PTPRD: variants seen among roughly 807,000 people sequenced by gnomAD.
The protein encoded by PTPRD is protein tyrosine phosphatase receptor type D.
Under a neutral mutation model 214.5 loss-of-function variants are expected in PTPRD, and 34 were observed. The observed-to-expected ratio is 0.16, with a 90% CI of 0.12 to 0.21. PTPRD has a LOEUF of 0.21. PTPRD is among the 10% of genes least tolerant of loss of function. The pLI is 1.00. For missense variants in PTPRD, 2,545 were observed against 2,398.7 expected (o/e 1.06, Z -1.27); for synonymous variants, 1,128 against 845.7 (o/e 1.33, Z -5.79).
At chr9:8,647,663 T>G (rs1207083213) in intron 12 of PTPRD, among the ~76,000 whole-genome samples, 2 of 152,186 alleles carry the variant, frequency 1.3e-5, no homozygotes, top group African/African-American at 4.8e-5. Flanking sequence ...ATTACTGAAT[T>G]CAAAAAAGTA....
At chr9:9,958,018 T>C (rs371542510) in intron 4 of PTPRD, among the ~76,000 whole-genome samples, 3 of 142,152 alleles carry the variant, frequency 2.1e-5, no homozygotes, top group Non-Finnish European at 3.1e-5. Context: ...GGAAGTTCAT[T>C]TGTGTATGTG....
chr9:9,336,238 T>C (rs2044426695), intron 9 of PTPRD, among the ~76,000 whole-genome samples: 1 of 151,760 alleles, frequency 6.6e-6, no homozygotes, highest in Non-Finnish European at 1.5e-5. Context: ...TTACACATGT[T>C]TAGCTCTGAT....
intron 11 of PTPRD, among the ~76,000 whole-genome samples, chr9:8,783,617 A>C (rs979952606): frequency 1.3e-5 from 2 of 152,192 alleles, no homozygotes; most frequent in African/African-American, 4.8e-5. Flanking sequence ...TGGTCATTAG[A>C]ACACACTACC....
intron 11 of PTPRD, among the ~76,000 whole-genome samples, chr9:8,937,085 G>GTT (rs5896282): frequency 8.6e-5 from 13 of 151,946 alleles, no homozygotes; most frequent in East Asian, 1.9e-4. Flanking sequence ...AGAAATGGTA[G>GTT]TTTTTTTACC....
At chr9:10,471,818 T>C (rs2099032942) in intron 2 of PTPRD, among the ~76,000 whole-genome samples, 1 of 152,082 alleles carries the variant, frequency 6.6e-6, no homozygotes, top group Admixed American at 6.6e-5. Flanking sequence ...CAATTTTAGC[T>C]TTAAAATGAA....
At chr9:9,794,282 G>GC (rs202083193) in intron 5 of PTPRD, among the ~76,000 whole-genome samples, 6 of 151,552 alleles carry the variant, frequency 4.0e-5, no homozygotes, top group East Asian at 3.9e-4. Context: ...CATTAATTAT[G>GC]CCCATGTTGA....
intron 5 of PTPRD, among the ~76,000 whole-genome samples, chr9:9,770,939 A>G (rs954558844): frequency 1.3e-5 from 2 of 152,162 alleles, no homozygotes; most frequent in South Asian, 4.1e-4. Context: ...GAAATGGTCA[A>G]ATATGCACAG....
intron 2 of PTPRD, among the ~76,000 whole-genome samples, chr9:10,387,022 A>G (rs908936182): frequency 2.0e-5 from 3 of 151,782 alleles, no homozygotes; most frequent in Non-Finnish European, 2.9e-5. Flanking sequence ...GAAGGGGGCC[A>G]TGAGTCAAGG....
chr9:8,327,516 T>G (rs1340654727), intron 44 of PTPRD, among the ~76,000 whole-genome samples: 1 of 152,176 alleles, frequency 6.6e-6, no homozygotes, highest in African/African-American at 2.4e-5. Context: ...TTCTGTTGAT[T>G]TGGGTGGAGA....
intron 34 of PTPRD, among the ~76,000 whole-genome samples, chr9:8,445,003 T>C (rs1052155314): frequency 2.6e-5 from 4 of 152,182 alleles, no homozygotes; most frequent in African/African-American, 9.6e-5. Context: ...CCTTCTTCCA[T>C]AGATCTTAAA....
rs753739617 is a variant in PTPRD at position 10,231,983 on chromosome 9, AGAGAGAGTGTGT to A, written c.-545+108968_-545+108979del. Among the ~76,000 whole-genome samples, 474 of 97,136 alleles carry A rather than the reference AGAGAGAGTGTGT, an allele frequency of 4.9e-3. 3 individuals are homozygous for A. The highest frequency in any genetic ancestry group is 0.018 in the African/African-American group (422 of 23,694). The allele number at this position is 97,136 out of a possible 152,430, so 63.7% of individuals were successfully genotyped here. A position where few individuals can be genotyped will look rare whatever the true frequency, so the allele number is the denominator to read the frequency against. On this transcript the variant is annotated intron_variant, in intron 3 of 45. Coordinates refer to ENST00000381196, the MANE Select transcript of PTPRD (RefSeq NM_002839.4). ...GAGAGAGAGAGAGAGAGAGAGAGAG[AGAGAGAGTGTGT>A]GTGTGTGTGTGTGTGTGTGTGTGTG...
chr9:9,743,195 A>C (rs778857014), intron 6 of PTPRD, among the ~76,000 whole-genome samples: 1 of 152,190 alleles, frequency 6.6e-6, no homozygotes, highest in Admixed American at 6.5e-5. Flanking sequence ...TGCATTCATA[A>C]ATAAAACAAT....
In PTPRD at chr9:10,298,547, C is replaced by T. The variant is rs1291180499; in HGVS notation, c.-545+42416G>A. Among the ~76,000 whole-genome samples the T allele has an allele frequency of 3.3e-5, 5 of 152,008 alleles. No individual in the cohort carries two copies. In the East Asian group the frequency reaches 7.7e-4, roughly 23 times the overall value. On this transcript the variant is annotated intron_variant, in intron 3 of 45. Coordinates refer to ENST00000381196, the MANE Select transcript of PTPRD (RefSeq NM_002839.4). ...TTGTTTAATACTTTTCACTTAATTG[C>T]CATCATTCTCAGACAAAAATATTTA...
chr9:10,018,256 T>C (rs146321384), intron 4 of PTPRD, among the ~76,000 whole-genome samples: 1 of 151,996 alleles, frequency 6.6e-6, no homozygotes, highest in African/African-American at 2.4e-5. Context: ...GAAAAAAAAA[T>C]CTTGGAATTT....
intron 8 of PTPRD, among the ~76,000 whole-genome samples, chr9:9,547,571 C>T (rs1032947603): frequency 5.9e-5 from 9 of 151,966 alleles, no homozygotes; most frequent in Non-Finnish European, 1.0e-4. Context: ...CAGTGACTGA[C>T]ACTCATAGTA....
At chr9:10,275,268 A>G (rs992476005) in intron 3 of PTPRD, among the ~76,000 whole-genome samples, 1 of 152,146 alleles carries the variant, frequency 6.6e-6, no homozygotes, top group African/African-American at 2.4e-5. Context: ...TAAGTAAAGG[A>G]AACTTGTTCT....
At chr9:9,978,194 A>G (rs1456317871) in intron 4 of PTPRD, among the ~76,000 whole-genome samples, 2 of 152,158 alleles carry the variant, frequency 1.3e-5, no homozygotes, top group Non-Finnish European at 2.9e-5. Context: ...AAAAGAGTGA[A>G]AAGAGATAAG....
At position 8,315,989 on chromosome 9, in the gene PTPRD, T is replaced by C. The variant is rs188098119; in HGVS notation, c.*1885A>G. ...CTTTTAGAAAAATCCTAATGGAATA[T>C]CAAATATATTCCAAAGTTGCCAATG... On this transcript the variant is annotated 3_prime_UTR_variant, in exon 46 of 46. Transcript: ENST00000381196. 1.3e-5 allele frequency: 3 copies of C among 227,644 alleles called. No individual in the cohort carries two copies. Among genetic ancestry groups the C allele is most frequent in the Admixed American group, 5.7e-5 (1 of 17,546 alleles). The allele number at this position is 227,644 out of a possible 1,614,324, so 14.1% of individuals were successfully genotyped here. A position where few individuals can be genotyped will look rare whatever the true frequency, so the allele number is the denominator to read the frequency against.
intron 9 of PTPRD, among the ~76,000 whole-genome samples, chr9:9,392,774 T>A (rs1176038632): frequency 6.6e-6 from 1 of 152,184 alleles, no homozygotes; most frequent in Admixed American, 6.6e-5. Flanking sequence ...GTCTATGATG[T>A]CTCTTCAACA....
Sources: allele counts gnomAD v4.1 joint callset (sites outside exome capture counted in the v4.1 genomes callset), GRCh38; gene constraint gnomAD v4.1.1; transcripts MANE v1.5; gene names NCBI Gene and HGNC (gene_info 2026-07-23, HGNC 2026-07-21).